MGAT4A: variants seen among roughly 807,000 people sequenced by gnomAD.
MGAT4A encodes the protein alpha-1,3-mannosyl-glycoprotein 4-beta-N-acetylglucosaminyltransferase A, also known as N-acetylglucosaminyltransferase IVa.
A neutral mutation model predicts 74.1 loss-of-function variants in MGAT4A; 33 were observed. The ratio of observed to expected loss-of-function variants is 0.45; its 90% confidence interval spans 0.34 to 0.60. The LOEUF is 0.60. Among genes scored for constraint, MGAT4A ranks in the 20% least tolerant of loss-of-function variants. MGAT4A has a pLI of 0.02. For missense variants in MGAT4A, 479 were observed against 628.3 expected (o/e 0.76, Z 2.54); for synonymous variants, 198 against 210.4 (o/e 0.94, Z 0.51).
intron 1 of MGAT4A, among the ~76,000 whole-genome samples, chr2:98,728,171 T>G (rs1035991301): frequency 6.6e-6 from 1 of 152,244 alleles, no homozygotes; most frequent in Non-Finnish European, 1.5e-5. Context: ...ATTTTCAAAG[T>G]GTATGTTTAT....
chr2:98,667,134 GCTC>G (rs1701844189), intron 4 of MGAT4A, among the ~76,000 whole-genome samples: 2 of 152,034 alleles, frequency 1.3e-5, no homozygotes, highest in African/African-American at 4.8e-5. Flanking sequence ...GATGTGACTT[GCTC>G]CTCCTTGCCT....
At chr2:98,644,285 A>G (rs997206170) in intron 9 of MGAT4A, among the ~76,000 whole-genome samples, 2 of 152,236 alleles carry the variant, frequency 1.3e-5, no homozygotes, top group African/African-American at 4.8e-5. Flanking sequence ...CGATGTTACT[A>G]TAATAATCTA....
At chr2:98,668,860 A>G (rs1701873933) in intron 4 of MGAT4A, among the ~76,000 whole-genome samples, 1 of 152,136 alleles carries the variant, frequency 6.6e-6, no homozygotes, top group South Asian at 2.1e-4. Context: ...GAACTTTGAG[A>G]TTTCACTGCC....
chr2:98,621,643 G>T lies in MGAT4A; in HGVS notation c.*3923C>A. On this transcript the variant is annotated 3_prime_UTR_variant, in exon 16 of 16. Coordinates refer to ENST00000393487, the MANE Select transcript of MGAT4A (RefSeq NM_012214.3). ...GATATTATACAAGGTCATTGGTGGG[G>T]GTGTCAGTAGGGGTCATTCTTAGAA... is the stretch of plus-strand genomic sequence containing the variant. 6.9e-7 allele frequency: 1 copy of T among 1,458,074 alleles called. No individual in the cohort carries two copies. Among genetic ancestry groups the T allele is most frequent in the Non-Finnish European group, 9.1e-7 (1 of 1,102,820 alleles). 90.3% of individuals were successfully genotyped at this position (1,458,074 alleles called of 1,614,324 possible).
chr2:98,625,826 T>C lies in MGAT4A; in HGVS notation c.1478A>G (p.Glu493Gly). The C allele has an allele frequency of 2.5e-6, 4 of 1,606,844 alleles. No homozygotes were observed. Among genetic ancestry groups the C allele is most frequent in the Non-Finnish European group, 3.4e-6 (4 of 1,174,384 alleles). Residue 493 changes from glutamate (E) to glycine (G), a missense_variant, in exon 15 of 16, where the codon GAG (glutamate) becomes GGG (glycine). Coordinates refer to ENST00000393487, the MANE Select transcript of MGAT4A (RefSeq NM_012214.3). ...CACCATTCCTTCTGCAACACCATTCTCAAATTTTCCTTCAAAATAAAAATC... is the reference window on the plus strand; with the variant it reads ...CACCATTCCTTCTGCAACACCATTCCCAAATTTTCCTTCAAAATAAAAATC... ...EDGYFRIGKF[E>G]NGVAEGMVDP... is the part of the protein sequence containing the mutation.
chr2:98,690,008 CAA>C (rs199886729), intron 2 of MGAT4A, among the ~76,000 whole-genome samples: 1 of 143,768 alleles, frequency 7.0e-6, no homozygotes. Context: ...AACAGGAGCA[CAA>C]AAAAAAAAGG....
chr2:98,649,664 G>C lies in MGAT4A; in HGVS notation c.775-4122C>G, dbSNP rs1389036383. On this transcript the variant is annotated intron_variant, in intron 8 of 15. Coordinates refer to ENST00000393487, the MANE Select transcript of MGAT4A (RefSeq NM_012214.3). ...ACAATACCAACAAGGCCACAGTGCTGCAGAGCTCCTGACTAGAAACCAGTC... is the reference window on the plus strand; with the variant it reads ...ACAATACCAACAAGGCCACAGTGCTCCAGAGCTCCTGACTAGAAACCAGTC... 2.0e-5 allele frequency among the ~76,000 whole-genome samples: 3 copies of C among 152,158 alleles called. No homozygotes were observed. In the East Asian group the frequency reaches 5.8e-4, roughly 29 times the overall value.
intron 14 of MGAT4A, among the ~76,000 whole-genome samples, chr2:98,629,353 T>G (rs1701194374): frequency 6.6e-6 from 1 of 152,244 alleles, no homozygotes; most frequent in Non-Finnish European, 1.5e-5. Context: ...ATTCAAAAAT[T>G]ATTAATAAAC....
At chr2:98,687,123 T>C (rs1702141115) in intron 2 of MGAT4A, among the ~76,000 whole-genome samples, 1 of 152,226 alleles carries the variant, frequency 6.6e-6, no homozygotes, top group African/African-American at 2.4e-5. Context: ...TGGGAGACAC[T>C]TCTTCATAAA....
intron 10 of MGAT4A, among the ~76,000 whole-genome samples, chr2:98,642,110 A>G (rs1393658042): frequency 1.3e-5 from 2 of 152,208 alleles, no homozygotes; most frequent in Non-Finnish European, 2.9e-5. Context: ...TGACACTACA[A>G]TAAAGGTGAA....
Position 98,621,448 on chromosome 2 carries a change from C to CGG in MGAT4A, c.*4117_*4118insCC. 1.3e-6 allele frequency: 2 copies of CGG among 1,551,648 alleles called. No individual in the cohort carries two copies. On this transcript the variant is annotated 3_prime_UTR_variant, in exon 16 of 16. Transcript: ENST00000393487. ...CCTCTACCTTAAAACAGCAATGGTG[C>CGG]CTGAGGTCCTTCTGCTTTGTCTCTT... is the stretch of plus-strand genomic sequence containing the variant.
intron 12 of MGAT4A, among the ~76,000 whole-genome samples, chr2:98,637,172 A>G (rs1701336247): frequency 6.6e-6 from 1 of 151,996 alleles, no homozygotes; most frequent in Admixed American, 6.6e-5. Context: ...TTAGCCAGGC[A>G]TGGTGGTATG....
intron 2 of MGAT4A, among the ~76,000 whole-genome samples, chr2:98,699,994 C>T (rs1030193280): frequency 3.1e-4 from 47 of 152,144 alleles, no homozygotes; most frequent in African/African-American, 7.5e-4. Context: ...TTTTTCTGCA[C>T]GTGAGATAAC....
intron 14 of MGAT4A, among the ~76,000 whole-genome samples, chr2:98,626,392 C>A (rs1158503280): frequency 6.6e-6 from 1 of 152,126 alleles, no homozygotes; most frequent in East Asian, 1.9e-4. Flanking sequence ...AACAGGCTCT[C>A]CTATAAAAAT....
At chr2:98,658,531 T>C (rs1258185439) in intron 5 of MGAT4A, among the ~76,000 whole-genome samples, 1 of 152,182 alleles carries the variant, frequency 6.6e-6, no homozygotes, top group Non-Finnish European at 1.5e-5. Flanking sequence ...AAAAACTACT[T>C]CTATCAAAAC....
Position 98,625,564 on chromosome 2 carries a change from G to T in MGAT4A, c.*2C>A, listed in dbSNP as rs1205160173. ...GAAAAAATGTGTTGGTTTCTCAGAT[G>T]ATCAGTTGGTGGCTTTTTTAATATG... On this transcript the variant is annotated 3_prime_UTR_variant, in exon 16 of 16. Transcript: ENST00000393487. The T allele has an allele frequency of 6.2e-7, 1 of 1,608,894 alleles. No homozygotes were observed. The highest frequency in any genetic ancestry group is 1.1e-5 in the South Asian group (1 of 89,704).
At chr2:98,635,850 T>C (rs1188557782) in intron 13 of MGAT4A, among the ~76,000 whole-genome samples, 1 of 151,470 alleles carries the variant, frequency 6.6e-6, no homozygotes, top group East Asian at 2.0e-4. Context: ...TAGCTGGGCA[T>C]AGTGCCACGC....
At chr2:98,713,462 AAAAC>A (rs1440343094) in intron 2 of MGAT4A, among the ~76,000 whole-genome samples, 85 of 151,414 alleles carry the variant, frequency 5.6e-4, no homozygotes, top group Non-Finnish European at 2.9e-5. Context: ...AAAAAAAAAA[AAAAC>A]AAACAAACCC....
chr2:98,641,097 G>C (rs1207591107), intron 10 of MGAT4A, among the ~76,000 whole-genome samples: 1 of 152,122 alleles, frequency 6.6e-6, no homozygotes, highest in African/African-American at 2.4e-5. Context: ...CTGTCCTCAT[G>C]CATGGGCCTG....
Sources: allele counts gnomAD v4.1 joint callset (sites outside exome capture counted in the v4.1 genomes callset), GRCh38; gene constraint gnomAD v4.1.1; transcripts MANE v1.5; gene names NCBI Gene and HGNC (gene_info 2026-07-23, HGNC 2026-07-21).